The following LZTS1 variants were observed in gnomAD, a reference collection of about 807,000 sequenced individuals.
The protein encoded by LZTS1 is leucine zipper putative tumor suppressor 1.
LZTS1 carries 31 observed loss-of-function variants against 45.8 expected under a neutral mutation model. The ratio of observed to expected loss-of-function variants is 0.68; its 90% CI spans 0.51 to 0.91. The LOEUF is 0.91. Among genes scored for constraint, LZTS1 ranks in the 40% least tolerant of loss-of-function variants. The pLI is 0.00. For missense variants in LZTS1, 821 were observed against 788.9 expected, an observed-to-expected ratio of 1.04 and a Z score of -0.49; for synonymous variants, 359 against 357.3, an observed-to-expected ratio of 1.00 and a Z score of -0.05.
Position 20,300,628 on chromosome 8 carries a change from C to T in LZTS1, c.-135+3112G>A, listed in dbSNP as rs928712059. On this transcript the variant is annotated intron_variant, in intron 1 of 3. Coordinates refer to ENST00000381569, the MANE Select transcript of LZTS1 (RefSeq NM_021020.5). ...ATTACAAGCGTGAGCCACAGCGCCC[C>T]GCCGCCAACACTGTATTTTGAGCTG... 6.6e-5 allele frequency among the ~76,000 whole-genome samples: 10 copies of T among 152,138 alleles called. No individual in the cohort carries two copies. The East Asian group carries it at 1.6e-3, about 24-fold the overall frequency.
chr8:20,290,237 G>C (rs117906533), intron 1 of LZTS1: 4 of 152,076 alleles, frequency 2.6e-5, no homozygotes, highest in African/African-American at 4.8e-5. Flanking sequence ...AAGCAGGGTC[G>C]GGCCTGCTTA....
chr8:20,276,449 A>G (rs377644645), intron 1 of LZTS1, among the ~76,000 whole-genome samples: 2 of 152,182 alleles, frequency 1.3e-5, no homozygotes, highest in East Asian at 1.9e-4. Flanking sequence ...TAAAAACCCA[A>G]AAGGACAGGG....
chr8:20,289,750 A>G (rs556103984), intron 1 of LZTS1: 1 of 152,388 alleles, frequency 6.6e-6, no homozygotes, highest in South Asian at 2.1e-4. Flanking sequence ...TTTTATGCCA[A>G]TGCGACTGAG....
intron 2 of LZTS1, among the ~76,000 whole-genome samples, chr8:20,254,165 C>T (rs1010651395): frequency 9.9e-5 from 15 of 152,152 alleles, no homozygotes; most frequent in South Asian, 2.1e-4. Context: ...AAATCAAAGC[C>T]GGGGATTCAT....
At chr8:20,262,905 T>C (rs564915604) in intron 1 of LZTS1, among the ~76,000 whole-genome samples, 4 of 152,268 alleles carry the variant, frequency 2.6e-5, no homozygotes, top group African/African-American at 9.6e-5. Context: ...GAGTCACTGA[T>C]TCAGTGTGAC....
At position 20,303,417 on chromosome 8, in the gene LZTS1, C is replaced by T. The variant is rs149157816; in HGVS notation, c.-135+323G>A. On this transcript the variant is annotated intron_variant, in intron 1 of 3. Transcript: ENST00000381569. The stretch of plus-strand genomic sequence containing the variant: ...CCTCCGACACCAGTGTCACCTAACA[C>T]TGACGTCCCCGCCAGGATCAGCATC... 5.9e-3 allele frequency among the ~76,000 whole-genome samples: 895 copies of T among 152,310 alleles called. 7 individuals carry two copies. Among genetic ancestry groups the T allele is most frequent in the African/African-American group, 0.021 (857 of 41,558 alleles).
intron 1 of LZTS1, among the ~76,000 whole-genome samples, chr8:20,259,039 C>T (rs1290225965): frequency 6.6e-6 from 1 of 152,134 alleles, no homozygotes; most frequent in African/African-American, 2.4e-5. Context: ...GGTCCACATG[C>T]AGGGGTGTCA....
At position 20,246,989 on chromosome 8, in the gene LZTS1, G is replaced by A. The variant is rs1298315540; in HGVS notation, c.*2733C>T. ...ATCTGGCATGGTCCAAGAATAGTGA[G>A]GGCGCTTTTGGACAGGGCAGGAAAG... On this transcript the variant is annotated 3_prime_UTR_variant, in exon 4 of 4. Transcript: ENST00000381569. 6.6e-6 allele frequency: 1 copy of A among 152,296 alleles called. No homozygotes were observed. Among genetic ancestry groups the A allele is most frequent in the African/African-American group, 2.4e-5 (1 of 41,456 alleles). 9.4% of individuals were successfully genotyped at this position (152,296 alleles called of 1,614,324 possible).
Position 20,252,858 on chromosome 8 carries a change from A to T in LZTS1, c.1073T>A (p.Leu358Gln), listed in dbSNP as rs1799967368. The T allele has an allele frequency of 1.3e-6, 2 of 1,597,306 alleles. No individual in the cohort carries two copies. The highest frequency in any genetic ancestry group is 3.4e-4 in the Middle Eastern group (2 of 5,866). The change falls in exon 3 of 4, where the codon CTG becomes CAG. Residue 358 changes from leucine (L) to glutamine (Q), a missense_variant. By Grantham distance (113) the Leu-to-Gln change is moderately radical (BLOSUM62 -2). Coordinates refer to ENST00000381569, the MANE Select transcript of LZTS1 (RefSeq NM_021020.5). ...GTAGGACCTGAGCTTGGTCTCCAGC[A>T]GGTCCTGCTCCTTCATGAGGCTCTC... ...ELESLMKEQDLLETKLRSYER... is the reference protein window; with the variant it reads ...ELESLMKEQDQLETKLRSYER...
intron 3 of LZTS1, among the ~76,000 whole-genome samples, chr8:20,252,376 A>G (rs1463405855): frequency 6.6e-6 from 1 of 152,104 alleles, no homozygotes; most frequent in Non-Finnish European, 1.5e-5. Context: ...CTCCCTCCAA[A>G]GCAACAAATG....
In LZTS1 at chr8:20,247,642, G is replaced by A; in HGVS notation, c.*2080C>T. ...AAAGCTCCTCTGTCGTTTGAGGATG[G>A]CAGGATGGGCACCGTTTAACCTCAG... is the stretch of plus-strand genomic sequence containing the variant. On this transcript the variant is annotated 3_prime_UTR_variant, in exon 4 of 4. Coordinates refer to ENST00000381569, the MANE Select transcript of LZTS1 (RefSeq NM_021020.5). 6.6e-6 allele frequency: 1 copy of A among 152,536 alleles called. No homozygotes were observed. Among genetic ancestry groups the A allele is most frequent in the Non-Finnish European group, 1.5e-5 (1 of 68,188 alleles). 9.4% of individuals were successfully genotyped at this position (152,536 alleles called of 1,614,324 possible). A position where few individuals can be genotyped will look rare whatever the true frequency, so the allele number is the denominator to read the frequency against.
intron 1 of LZTS1, among the ~76,000 whole-genome samples, chr8:20,302,789 C>T (rs1801103939): frequency 6.6e-6 from 1 of 152,202 alleles, no homozygotes; most frequent in Non-Finnish European, 1.5e-5. Context: ...ACTTCTTATT[C>T]CTGGGAAATT....
chr8:20,260,573 T>G (rs1357135656), intron 1 of LZTS1, among the ~76,000 whole-genome samples: 1 of 152,134 alleles, frequency 6.6e-6, no homozygotes, highest in African/African-American at 2.4e-5. Flanking sequence ...GATAGCAAAA[T>G]GAGCTTCCTG....
In LZTS1 at chr8:20,249,700, A is replaced by C. The variant is rs769337148; in HGVS notation, c.*22T>G. Reference sequence around the variant, plus strand: ...CTGCCTCCCAGTGCCAGGTCCCCAGACTCGCCTTCCCAGGCAGCCCCTCAG... The same window carrying C: ...CTGCCTCCCAGTGCCAGGTCCCCAGCCTCGCCTTCCCAGGCAGCCCCTCAG... On this transcript the variant is annotated 3_prime_UTR_variant, in exon 4 of 4. Coordinates refer to ENST00000381569, the MANE Select transcript of LZTS1 (RefSeq NM_021020.5). The C allele has an allele frequency of 3.2e-6, 5 of 1,580,558 alleles. No homozygotes were observed. In the South Asian group the frequency reaches 4.5e-5, roughly 14 times the overall value.
intron 1 of LZTS1, among the ~76,000 whole-genome samples, chr8:20,263,241 G>A (rs1256189732): frequency 4.6e-5 from 7 of 152,142 alleles, no homozygotes; most frequent in East Asian, 3.9e-4. Context: ...GAGACTGGGC[G>A]GGGAGATGTG....
intron 1 of LZTS1, among the ~76,000 whole-genome samples, chr8:20,273,997 G>A (rs932784870): frequency 6.6e-6 from 1 of 151,922 alleles, no homozygotes; most frequent in Non-Finnish European, 1.5e-5. Context: ...CTCAGACCCT[G>A]CCCTAGGTTT....
chr8:20,301,267 T>C (rs910871085), intron 1 of LZTS1, among the ~76,000 whole-genome samples: 4 of 152,140 alleles, frequency 2.6e-5, no homozygotes, highest in Admixed American at 6.5e-5. Flanking sequence ...TCCAGAACCT[T>C]ACTAAGCTGA....
At chr8:20,261,523 G>T (rs1348647339) in intron 1 of LZTS1, among the ~76,000 whole-genome samples, 1 of 152,194 alleles carries the variant, frequency 6.6e-6, no homozygotes, top group African/African-American at 2.4e-5. Context: ...AAAAGTAGTG[G>T]GAGCACCTGA....
chr8:20,258,888 C>T (rs1800166194), intron 1 of LZTS1, among the ~76,000 whole-genome samples: 1 of 152,176 alleles, frequency 6.6e-6, no homozygotes. Context: ...GCCTCCCATT[C>T]CTGCGAGGTG....
Sources: allele counts gnomAD v4.1 joint callset (sites outside exome capture counted in the v4.1 genomes callset), GRCh38; gene constraint gnomAD v4.1.1; transcripts MANE v1.5; gene names NCBI Gene and HGNC (gene_info 2026-07-23, HGNC 2026-07-21).